The following PLXNA4 variants were observed in gnomAD, a reference collection of about 807,000 sequenced individuals.
The protein encoded by PLXNA4 is plexin-A4.
PLXNA4 carries 44 observed loss-of-function variants against 191.8 expected under a neutral mutation model. The ratio of observed to expected loss-of-function variants is 0.23; its 90% CI spans 0.18 to 0.29. PLXNA4 has a LOEUF of 0.29. PLXNA4 is among the 10% of genes least tolerant of loss of function. The pLI, the probability that PLXNA4 is intolerant of heterozygous loss-of-function variation, is 1.00. For missense variants in PLXNA4, 1,800 were observed against 2,488.8 expected (o/e 0.72, Z 5.89); for synonymous variants, 1,082 against 1,009.5 (o/e 1.07, Z -1.36).
chr7:132,533,742 A>G (rs889929254), intron 1 of PLXNA4, among the ~76,000 whole-genome samples: 2 of 152,084 alleles, frequency 1.3e-5, no homozygotes, highest in Non-Finnish European at 2.9e-5. Flanking sequence ...GCCTGCTGCC[A>G]GCACCCAGCC....
intron 5 of PLXNA4, among the ~76,000 whole-genome samples, chr7:132,235,454 A>G (rs1374369913): frequency 6.6e-6 from 1 of 152,232 alleles, no homozygotes; most frequent in African/African-American, 2.4e-5. Flanking sequence ...GGAAGAAACC[A>G]TATAGAAAAG....
intron 2 of PLXNA4, among the ~76,000 whole-genome samples, chr7:132,585,605 T>C (rs1802493013): frequency 6.6e-6 from 1 of 152,232 alleles, no homozygotes; most frequent in Admixed American, 6.5e-5. Flanking sequence ...TGTTATGAAA[T>C]GCCACTCTCT....
At chr7:132,300,431 T>C (rs904384301) in intron 3 of PLXNA4, among the ~76,000 whole-genome samples, 1 of 152,210 alleles carries the variant, frequency 6.6e-6, no homozygotes. Flanking sequence ...CAAATATTTA[T>C]TTTAAAAATG....
intron 3 of PLXNA4, among the ~76,000 whole-genome samples, chr7:132,478,777 A>G (rs984583479): frequency 6.6e-6 from 1 of 152,146 alleles, no homozygotes; most frequent in African/African-American, 2.4e-5. Flanking sequence ...CTTCAACATC[A>G]TTCTGGCCTC....
At chr7:132,451,145 T>C (rs1220882308) in intron 3 of PLXNA4, among the ~76,000 whole-genome samples, 1 of 152,136 alleles carries the variant, frequency 6.6e-6, no homozygotes, top group Admixed American at 6.5e-5. Flanking sequence ...TGAGGCCAGG[T>C]GTGGTAAGTC....
chr7:132,519,029 C>T (rs1037840912), intron 1 of PLXNA4, among the ~76,000 whole-genome samples: 16 of 152,194 alleles, frequency 1.1e-4, no homozygotes, highest in Admixed American at 3.3e-4. Context: ...AGGCACTGTG[C>T]CTTGGGACAG....
chr7:132,606,184 G>A (rs1045801705), intron 2 of PLXNA4, among the ~76,000 whole-genome samples: 2 of 152,110 alleles, frequency 1.3e-5, no homozygotes, highest in African/African-American at 4.8e-5. Context: ...AAAGAAGCAC[G>A]GAGAATTGAC....
At position 132,270,019 on chromosome 7, in the gene PLXNA4, G is replaced by A. The variant is rs187976099; in HGVS notation, c.1503+28072C>T. 2.1e-3 allele frequency among the ~76,000 whole-genome samples: 326 copies of A among 152,246 alleles called. 2 individuals are homozygous for A. Among genetic ancestry groups the A allele is most frequent in the Admixed American group, 3.3e-3 (51 of 15,278 alleles). ...CACCAGCATGCTCAGAATCCATTCG[G>A]TTCACCCTCAGGTTTCTAAGAACTA... On this transcript the variant is annotated intron_variant, in intron 4 of 31. Coordinates refer to ENST00000321063, the MANE Select transcript of PLXNA4 (RefSeq NM_020911.2).
intron 14 of PLXNA4, among the ~76,000 whole-genome samples, chr7:132,189,940 A>G (rs1474767048): frequency 6.6e-6 from 1 of 152,182 alleles, no homozygotes; most frequent in African/African-American, 2.4e-5. Flanking sequence ...CCAAGTGAAC[A>G]TGTGGCACCA....
chr7:132,517,018 C>T (rs885736), intron 1 of PLXNA4, among the ~76,000 whole-genome samples: 55,550 of 152,042 alleles, frequency 0.37, 12,188 homozygotes, highest in South Asian at 0.54. Context: ...CTTCTAGAGG[C>T]CCCTCTAGCT....
intron 3 of PLXNA4, among the ~76,000 whole-genome samples, chr7:132,485,440 C>G (rs1293530796): frequency 6.6e-6 from 1 of 152,138 alleles, no homozygotes; most frequent in East Asian, 1.9e-4. Context: ...CACCACTGAA[C>G]AGCAGCCATA....
chr7:132,159,325 C>T, intron 25 of PLXNA4, 148 bp downstream of exon 25: 1 of 1,326,340 alleles, frequency 7.5e-7, no homozygotes. Flanking sequence ...CCATGGGCTC[C>T]TGCGGGGGTC....
chr7:132,215,933 G>A (rs1334141284), intron 9 of PLXNA4, among the ~76,000 whole-genome samples: 1 of 152,166 alleles, frequency 6.6e-6, no homozygotes. Context: ...ATGTTTCCCC[G>A]AGTTTTGTGA....
intron 14 of PLXNA4, among the ~76,000 whole-genome samples, chr7:132,187,954 A>G (rs1012514318): frequency 3.9e-5 from 6 of 152,048 alleles, no homozygotes; most frequent in Non-Finnish European, 7.4e-5. Flanking sequence ...TAAAGTAGGC[A>G]TTATTATTTT....
rs977634133 is a variant in PLXNA4, at chr7:132,182,117, C to T, written c.3232G>A (p.Gly1078Arg). 6.2e-7 allele frequency: 1 copy of T among 1,614,172 alleles called. No homozygotes were observed. Among genetic ancestry groups the T allele is most frequent in the African/African-American group, 1.3e-5 (1 of 75,042 alleles). ...IQNPQIRAKH[G>R]GKEHINICEV... is the part of the protein sequence containing the mutation. ...CTCACATTGATGTGCTCCTTCCCTC[C>T]ATGCTTGGCACGGATCTGGGGGTTC... The change falls in exon 17 of 32, where the codon GGA becomes AGA. Residue 1078 changes from glycine to arginine, a missense_variant. Around this residue, in one of 6 missense-constraint regions of PLXNA4, gnomAD observed 1,397 missense variants for 1,880.4 expected, o/e 0.74. Coordinates refer to ENST00000321063, the MANE Select transcript of PLXNA4 (RefSeq NM_020911.2).
At position 132,222,469 on chromosome 7, in the gene PLXNA4, GC is replaced by G. The variant is rs375023845; in HGVS notation, c.2097+1057del. ...TGTGTGTTCTCTCAATGCCCCTCCT[GC>G]CCCCCTCCCCCCACCAAATCCCCTA... On this transcript the variant is annotated intron_variant, in intron 9 of 31. Coordinates refer to ENST00000321063, the MANE Select transcript of PLXNA4 (RefSeq NM_020911.2). Among the ~76,000 whole-genome samples the G allele has an allele frequency of 2.5e-3, 384 of 151,814 alleles. 2 individuals carry two copies. Among genetic ancestry groups the G allele is most frequent in the African/African-American group, 8.7e-3 (361 of 41,386 alleles).
At chr7:132,427,058 C>T (rs1795072869) in intron 3 of PLXNA4, among the ~76,000 whole-genome samples, 1 of 152,182 alleles carries the variant, frequency 6.6e-6, no homozygotes, top group African/African-American at 2.4e-5. Flanking sequence ...TAGTCAGTGA[C>T]TCCTACTGAA....
At chr7:132,415,627 C>G (rs1272312442) in intron 3 of PLXNA4, among the ~76,000 whole-genome samples, 2 of 152,308 alleles carry the variant, frequency 1.3e-5, no homozygotes, top group African/African-American at 2.4e-5. Flanking sequence ...ATACACTTCC[C>G]TTTCTCCCTC....
intron 3 of PLXNA4, among the ~76,000 whole-genome samples, chr7:132,344,905 C>T (rs531137249): frequency 2.0e-4 from 30 of 152,236 alleles, no homozygotes; most frequent in African/African-American, 7.2e-4. Flanking sequence ...CCTTTCCCCA[C>T]CCCAGTAAGA....
Sources: allele counts gnomAD v4.1 joint callset (sites outside exome capture counted in the v4.1 genomes callset), GRCh38; gene constraint gnomAD v4.1.1; regional missense constraint gnomAD v4.1.1; transcripts MANE v1.5; gene names NCBI Gene and HGNC (gene_info 2026-07-23, HGNC 2026-07-21).